Variants in CNTN6 observed in about 807,000 individuals in gnomAD.
CNTN6 encodes contactin 6.
In CNTN6, 137 loss-of-function variants were observed where a neutral mutation model predicts 122.8. The observed-to-expected ratio is 1.12, with a 90% CI of 0.97 to 1.29. CNTN6 has a LOEUF of 1.29. Ranked by LOEUF, CNTN6 falls within the 50% of genes most tolerant of loss-of-function variation. The pLI, the probability that CNTN6 is intolerant of heterozygous loss-of-function variation, is 0.00. For synonymous variants in CNTN6, 570 were observed against 426.0 expected (o/e 1.34, Z -4.16); for missense variants, 1,634 against 1,223.4 (o/e 1.34, Z -5.01).
intron 2 of CNTN6, among the ~76,000 whole-genome samples, chr3:1,178,159 C>T (rs989882429): frequency 1.3e-5 from 2 of 152,150 alleles, no homozygotes; most frequent in Non-Finnish European, 2.9e-5. Flanking sequence ...CCTCAGCCTC[C>T]CAAAGTGCTG....
chr3:1,389,569 A>C (rs1693771835), intron 20 of CNTN6, among the ~76,000 whole-genome samples: 1 of 152,314 alleles, frequency 6.6e-6, no homozygotes, highest in East Asian at 1.9e-4. Flanking sequence ...TAACAATATT[A>C]ACTTTAAATG....
At chr3:1,367,125 T>G (rs1036242790) in intron 12 of CNTN6, among the ~76,000 whole-genome samples, 3 of 152,198 alleles carry the variant, frequency 2.0e-5, no homozygotes, top group Non-Finnish European at 4.4e-5. Context: ...ATCAAGCTAG[T>G]TAACACAGCC....
chr3:1,348,779 C>T (rs1191625151), intron 11 of CNTN6, among the ~76,000 whole-genome samples: 2 of 151,842 alleles, frequency 1.3e-5, no homozygotes, highest in Non-Finnish European at 2.9e-5. Flanking sequence ...TCACTTATTG[C>T]TTCTCTTTAT....
chr3:1,260,205 A>C (rs567368468), intron 4 of CNTN6, among the ~76,000 whole-genome samples: 1 of 152,296 alleles, frequency 6.6e-6, no homozygotes, highest in Non-Finnish European at 1.5e-5. Flanking sequence ...GATGACAAGC[A>C]AGAGAACTTT....
chr3:1,284,698 A>C (rs1694046008), intron 5 of CNTN6, among the ~76,000 whole-genome samples: 1 of 152,166 alleles, frequency 6.6e-6, no homozygotes, highest in African/African-American at 2.4e-5. Flanking sequence ...AAATAAAAGG[A>C]GATAGGAAAT....
intron 20 of CNTN6, among the ~76,000 whole-genome samples, chr3:1,392,075 C>G (rs1694235276): frequency 6.6e-6 from 1 of 152,014 alleles, no homozygotes; most frequent in Non-Finnish European, 1.5e-5. Flanking sequence ...CATATGGAAC[C>G]AAAAAAGAGC....
At chr3:1,102,456 C>T (rs551946702) in intron 1 of CNTN6, among the ~76,000 whole-genome samples, 2 of 152,114 alleles carry the variant, frequency 1.3e-5, no homozygotes, top group African/African-American at 4.8e-5. Context: ...TCCTGCCGGG[C>T]GCGGTGGCTC....
intron 3 of CNTN6, among the ~76,000 whole-genome samples, chr3:1,223,197 A>G (rs1477726597): frequency 6.6e-6 from 1 of 152,218 alleles, no homozygotes; most frequent in East Asian, 1.9e-4. Flanking sequence ...TTACCTGGGT[A>G]TAGTGTAAAG....
chr3:1,276,425 G>A (rs77539264), intron 4 of CNTN6, among the ~76,000 whole-genome samples: 6,761 of 152,124 alleles, frequency 0.044, 169 homozygotes, highest in South Asian at 0.066. Flanking sequence ...AACGATGTGC[G>A]CTGCTGTATT....
At chr3:1,377,816 G>C (rs1442741601) in intron 17 of CNTN6, among the ~76,000 whole-genome samples, 1 of 152,148 alleles carries the variant, frequency 6.6e-6, no homozygotes, top group Non-Finnish European at 1.5e-5. Flanking sequence ...TGTTGGTAGG[G>C]GAGGAGAAAG....
chr3:1,385,310 T>C (rs1038807716), intron 19 of CNTN6, among the ~76,000 whole-genome samples: 1 of 152,212 alleles, frequency 6.6e-6, no homozygotes, highest in Non-Finnish European at 1.5e-5. Context: ...TGACTTGTTA[T>C]ACATCATTTG....
chr3:1,159,301 G>T (rs1009541908), intron 2 of CNTN6, among the ~76,000 whole-genome samples: 4 of 152,020 alleles, frequency 2.6e-5, no homozygotes, highest in Admixed American at 2.6e-4. Flanking sequence ...GCTACTAAGT[G>T]ATTAAAGGTG....
intron 1 of CNTN6, among the ~76,000 whole-genome samples, chr3:1,142,732 G>T (rs1449170222): frequency 6.6e-6 from 1 of 151,834 alleles, no homozygotes; most frequent in African/African-American, 2.4e-5. Flanking sequence ...GGCATGTTGG[G>T]TTGCAGTGAA....
intron 1 of CNTN6, among the ~76,000 whole-genome samples, chr3:1,131,268 T>C (rs1197236154): frequency 1.3e-5 from 2 of 152,050 alleles, no homozygotes; most frequent in Non-Finnish European, 2.9e-5. Flanking sequence ...CCATGACTAG[T>C]CACATAAAAT....
At chr3:1,162,732 T>C (rs981758996) in intron 2 of CNTN6, among the ~76,000 whole-genome samples, 1 of 152,202 alleles carries the variant, frequency 6.6e-6, no homozygotes, top group African/African-American at 2.4e-5. Context: ...TGAGAACACA[T>C]TTCCAGAGTC....
chr3:1,216,149 A>C (rs866237939), intron 2 of CNTN6, among the ~76,000 whole-genome samples: 80 of 143,256 alleles, frequency 5.6e-4, no homozygotes, highest in African/African-American at 2.1e-3. Context: ...TCCCCACTTT[A>C]CTTTTTTTTT....
At chr3:1,222,432 T>C (rs1420756330) in intron 3 of CNTN6, among the ~76,000 whole-genome samples, 2 of 152,194 alleles carry the variant, frequency 1.3e-5, no homozygotes, top group Admixed American at 6.5e-5. Flanking sequence ...ATAACATTTT[T>C]TGAAAGTTTG....
At chr3:1,189,441 G>C (rs945189659) in intron 2 of CNTN6, among the ~76,000 whole-genome samples, 1 of 152,144 alleles carries the variant, frequency 6.6e-6, no homozygotes, top group Non-Finnish European at 1.5e-5. Context: ...TAACTCTTTG[G>C]AATTTGCAGA....
intron 5 of CNTN6, among the ~76,000 whole-genome samples, chr3:1,290,624 G>A (rs1312816938): frequency 1.3e-5 from 2 of 152,184 alleles, no homozygotes; most frequent in African/African-American, 4.8e-5. Context: ...AGTTTATTAG[G>A]AAAGTAAAGG....
Sources: allele counts gnomAD v4.1 joint callset (sites outside exome capture counted in the v4.1 genomes callset), GRCh38; gene constraint gnomAD v4.1.1; transcripts MANE v1.5; gene names NCBI Gene and HGNC (gene_info 2026-07-23, HGNC 2026-07-21).